Variants in ZPBP observed in about 807,000 individuals in gnomAD.
The protein encoded by ZPBP is zona pellucida binding protein, also known as zona pellucida-binding protein 1.
ZPBP carries 26 observed loss-of-function variants against 44.8 expected under a neutral mutation model. The observed-to-expected ratio is 0.58, with a 90% CI of 0.43 to 0.81. The LOEUF is 0.81. Ranked by LOEUF, ZPBP falls within the 30% of genes least tolerant of loss-of-function variation. The pLI, the probability that ZPBP is intolerant of heterozygous loss-of-function variation, is 0.00. For synonymous variants in ZPBP, 174 were observed against 153.2 expected (o/e 1.14, Z -1.00); for missense variants, 409 against 434.0 (o/e 0.94, Z 0.51).
rs541952222 is a variant in ZPBP, at chr7:49,959,849, A to G, written c.962-22227T>C. ...CCTATGTGATTTCAATAGTTACTATAAAGCTACAGTAATCAAGATACTTCA... is the reference window on the plus strand; with the variant it reads ...CCTATGTGATTTCAATAGTTACTATGAAGCTACAGTAATCAAGATACTTCA... On this transcript the variant is annotated intron_variant, in intron 7 of 7. Transcript: ENST00000046087. Among the ~76,000 whole-genome samples the G allele has an allele frequency of 2.6e-5, 4 of 152,356 alleles. No homozygotes were observed. The South Asian group carries it at 8.3e-4, about 32-fold the overall frequency.
chr7:49,911,976 TTA>T (rs752835343), intron 1 of ZPBP: 279 of 1,263,052 alleles, frequency 2.2e-4, no homozygotes, highest in Non-Finnish European at 2.7e-4. Flanking sequence ...TAATACCTAA[TTA>T]TATATATTAT....
chr7:50,046,520 T>C (rs976176550), intron 4 of ZPBP, among the ~76,000 whole-genome samples: 1 of 151,628 alleles, frequency 6.6e-6, no homozygotes, highest in Non-Finnish European at 1.5e-5. Context: ...AAGACATTTA[T>C]GTGGACAACA....
At position 50,048,811 on chromosome 7, in the gene ZPBP, C is replaced by T. The variant is rs1055200487; in HGVS notation, c.487+9178G>A. 5.9e-5 allele frequency among the ~76,000 whole-genome samples: 9 copies of T among 151,460 alleles called. No individual in the cohort carries two copies. The South Asian group carries it at 8.3e-4, about 14-fold the overall frequency. ...AAATAGAAAAACTAAATATAAAACA[C>T]GCAGAATGAATAAAATAATAAAGAC... On this transcript the variant is annotated intron_variant, in intron 4 of 7. Coordinates refer to ENST00000046087, the MANE Select transcript of ZPBP (RefSeq NM_007009.3).
chr7:50,061,734 C>T (rs1033529244), intron 3 of ZPBP, among the ~76,000 whole-genome samples: 4 of 152,178 alleles, frequency 2.6e-5, no homozygotes, highest in African/African-American at 9.7e-5. Context: ...GAAATCACTT[C>T]TCTTCTAATT....
intron 5 of ZPBP, 143 bp downstream of exon 5, chr7:50,030,949 C>T (rs1007785975): frequency 5.6e-6 from 4 of 720,184 alleles, no homozygotes; most frequent in Non-Finnish European, 9.2e-6. Flanking sequence ...GTTAACAGCA[C>T]TAAGTCAAAG....
At chr7:49,972,814 T>C (rs1395317881) in intron 7 of ZPBP, among the ~76,000 whole-genome samples, 1 of 152,014 alleles carries the variant, frequency 6.6e-6, no homozygotes, top group Non-Finnish European at 1.5e-5. Context: ...CATTTCCTGA[T>C]GTCTAAACGT....
At chr7:49,856,469 G>A (rs940862385) in intron 2 of ZPBP, among the ~76,000 whole-genome samples, 1 of 152,182 alleles carries the variant, frequency 6.6e-6, no homozygotes, top group Non-Finnish European at 1.5e-5. Flanking sequence ...TGCAGATCAT[G>A]AGCCAAATAT....
rs1404309921 is a variant in ZPBP, at chr7:50,030,631, A to G, written c.706+461T>C. Among the ~76,000 whole-genome samples, 4 of 152,116 alleles carry G rather than the reference A, an allele frequency of 2.6e-5. No individual in the cohort carries two copies. In the East Asian group the frequency reaches 7.7e-4, roughly 29 times the overall value. ...CGTGGGTATTCCTAAGTGGTCATTC[A>G]TAAACCATTATAAATATAAAGATAA... On this transcript the variant is annotated intron_variant, in intron 5 of 7. Transcript: ENST00000046087.
At chr7:49,840,695 A>G in the ZPBP span, among the ~76,000 whole-genome samples, 1 of 152,162 alleles carries the variant, frequency 6.6e-6, no homozygotes. Flanking sequence ...CAGCTTCAAA[A>G]GCTGTTTGCA....
intron 3 of ZPBP, among the ~76,000 whole-genome samples, chr7:50,073,358 G>A (rs1296889214): frequency 6.6e-6 from 1 of 151,506 alleles, no homozygotes; most frequent in Non-Finnish European, 1.5e-5. Flanking sequence ...ACATGAAGGA[G>A]ACAAAAGAAA....
chr7:50,054,935 T>G (rs1800860769), intron 4 of ZPBP, among the ~76,000 whole-genome samples: 1 of 152,090 alleles, frequency 6.6e-6, no homozygotes, highest in Non-Finnish European at 1.5e-5. Flanking sequence ...ATATTAAAAC[T>G]ACAAAATACC....
intron 3 of ZPBP, among the ~76,000 whole-genome samples, chr7:50,063,610 T>A (rs1202794546): frequency 1.3e-5 from 2 of 152,008 alleles, no homozygotes; most frequent in Non-Finnish European, 1.5e-5. Context: ...TTTTTTTTTT[T>A]AAACAAAGAA....
downstream of ZPBP, among the ~76,000 whole-genome samples, chr7:49,848,015 C>T (rs1790020565): frequency 6.6e-6 from 1 of 152,188 alleles, no homozygotes; most frequent in Non-Finnish European, 1.5e-5. Context: ...ATAGGGCTAG[C>T]ACAGCATGTT....
At chr7:50,037,012 CAAAT>C (rs1379227652) in intron 4 of ZPBP, among the ~76,000 whole-genome samples, 2 of 151,690 alleles carry the variant, frequency 1.3e-5, no homozygotes, top group African/African-American at 2.4e-5. Flanking sequence ...AAAGAAAAAA[CAAAT>C]AACTACACAA....
At chr7:49,980,688 C>T (rs938364385) in intron 7 of ZPBP, among the ~76,000 whole-genome samples, 24 of 151,946 alleles carry the variant, frequency 1.6e-4, no homozygotes, top group African/African-American at 5.3e-4. Flanking sequence ...AATTAGAACT[C>T]GGTCACCCCG....
chr7:50,000,910 GA>G (rs1487873785), intron 6 of ZPBP, among the ~76,000 whole-genome samples: 3 of 152,066 alleles, frequency 2.0e-5, no homozygotes, highest in Non-Finnish European at 4.4e-5. Flanking sequence ...GACCTTTTAA[GA>G]GGTAATTAGG....
intron 5 of ZPBP, among the ~76,000 whole-genome samples, chr7:50,027,073 C>G (rs1162560498): frequency 6.6e-6 from 1 of 151,852 alleles, no homozygotes; most frequent in Non-Finnish European, 1.5e-5. Context: ...TGTGCTCAAC[C>G]CCCCCTCATA....
intron 3 of ZPBP, among the ~76,000 whole-genome samples, chr7:50,063,932 C>CA (rs1408232951): frequency 2.6e-5 from 4 of 152,112 alleles, no homozygotes; most frequent in African/African-American, 7.2e-5. Flanking sequence ...GGGTGTGGTA[C>CA]CCCCATGACC....
At chr7:50,068,073 AT>A (rs977670610) in intron 3 of ZPBP, among the ~76,000 whole-genome samples, 3 of 151,564 alleles carry the variant, frequency 2.0e-5, no homozygotes, top group Admixed American at 6.6e-5. Flanking sequence ...GGCTTCTTTG[AT>A]TTTTTTTTAA....
Sources: gnomAD v4.1 joint callset for allele counts (sites outside exome capture counted in the v4.1 genomes callset) on GRCh38, gnomAD v4.1.1 for gene constraint, MANE v1.5 for transcripts, NCBI Gene and HGNC (gene_info 2026-07-23, HGNC 2026-07-21) for gene names.